The following ALAS1 variants were observed in gnomAD, a reference collection of about 807,000 sequenced individuals.
The protein encoded by ALAS1 is 5-aminolevulinate synthase, non-specific, mitochondrial.
ALAS1 carries 29 observed loss-of-function variants against 59.6 expected under a neutral mutation model. The ratio of observed to expected loss-of-function variants is 0.49; its 90% CI spans 0.36 to 0.66. ALAS1 has a LOEUF of 0.66. Among genes scored for constraint, ALAS1 ranks in the 30% least tolerant of loss-of-function variants. The pLI is 0.00. For missense variants in ALAS1, 690 were observed against 807.5 expected (o/e 0.85, Z 1.76); for synonymous variants, 299 against 296.6 (o/e 1.01, Z -0.08).
At chr3:52,208,366 C>CTCTT (rs1380637915) in intron 9 of ALAS1, 119 bp downstream of exon 9, 1 of 1,163,640 alleles carries the variant, frequency 8.6e-7, no homozygotes, top group Non-Finnish European at 1.2e-6. Context: ...GCCTGGGCCA[C>CTCTT]TCTTTCTTTT....
intron 9 of ALAS1, among the ~76,000 whole-genome samples, chr3:52,210,893 A>C (rs1699390698): frequency 6.6e-6 from 1 of 152,170 alleles, no homozygotes. Flanking sequence ...AACACCATAG[A>C]GTGTACTTAC....
chr3:52,200,057 C>T (rs183571513), intron 3 of ALAS1, among the ~76,000 whole-genome samples: 7 of 152,328 alleles, frequency 4.6e-5, no homozygotes, highest in African/African-American at 1.7e-4. Context: ...CTCAAATGAT[C>T]CACCTGCCTC....
chr3:52,198,494 C>T (rs900848666), intron 1 of ALAS1, among the ~76,000 whole-genome samples, 178 bp from the exon 2 acceptor site: 2 of 152,170 alleles, frequency 1.3e-5, no homozygotes, highest in African/African-American at 2.4e-5. Flanking sequence ...CCTTCTCATA[C>T]CCCTCCCGTC....
chr3:52,199,162 G>C (rs1479158664), intron 2 of ALAS1, 48 bp from the exon 3 acceptor site: 1 of 1,580,640 alleles, frequency 6.3e-7, no homozygotes, highest in Non-Finnish European at 8.7e-7. Flanking sequence ...TGAGCTTGCA[G>C]TGATATTTGC....
chr3:52,213,793 G>A (rs1418421011), intron 11 of ALAS1, among the ~76,000 whole-genome samples: 1 of 152,186 alleles, frequency 6.6e-6, no homozygotes, highest in Non-Finnish European at 1.5e-5. Flanking sequence ...CCATGCTGTA[G>A]CATTCATCAG....
intron 3 of ALAS1, 61 bp downstream of exon 3, chr3:52,199,501 A>C: frequency 6.6e-7 from 1 of 1,512,294 alleles, no homozygotes; most frequent in East Asian, 2.3e-5. Context: ...GTAGACTAGA[A>C]GCAGTCCCCA....
intron 4 of ALAS1, among the ~76,000 whole-genome samples, chr3:52,203,540 C>CAA (rs547604792): frequency 5.3e-5 from 6 of 113,470 alleles, no homozygotes; most frequent in Admixed American, 9.2e-5. Flanking sequence ...GACTCTGTCT[C>CAA]AAAAAAAAAA....
intron 2 of ALAS1, 54 bp from the exon 3 acceptor site, chr3:52,199,156 C>G: frequency 2.6e-6 from 4 of 1,558,916 alleles, no homozygotes; most frequent in Non-Finnish European, 3.5e-6. Context: ...ATCCAGTGAG[C>G]TTGCAGTGAT....
At chr3:52,212,456 G>T in intron 11 of ALAS1, 36 bp downstream of exon 11, 1 of 1,612,340 alleles carries the variant, frequency 6.2e-7, no homozygotes, top group South Asian at 1.1e-5. Flanking sequence ...CCTCACTGAG[G>T]AGTTGCATAA....
At chr3:52,208,024 A>G (rs1020136060) in intron 8 of ALAS1, 59 bp from the exon 9 acceptor site, 1 of 1,468,926 alleles carries the variant, frequency 6.8e-7, no homozygotes, top group East Asian at 2.5e-5. Flanking sequence ...GACTCTAACC[A>G]AAACAGAAAT....
chr3:52,206,501 C>A, intron 7 of ALAS1, 71 bp from the exon 8 acceptor site: 2 of 1,514,264 alleles, frequency 1.3e-6, no homozygotes, highest in Non-Finnish European at 1.8e-6. Flanking sequence ...AAGGAAAAGT[C>A]TGTTGTCTTT....
At chr3:52,211,617 T>C in intron 10 of ALAS1, 66 bp downstream of exon 10, 3 of 1,577,726 alleles carry the variant, frequency 1.9e-6, no homozygotes, top group Non-Finnish European at 2.6e-6. Flanking sequence ...ACGGATGTTC[T>C]GCTTCATACC....
Position 52,206,644 on chromosome 3 carries a change from A to T in ALAS1, c.1058A>T (p.Lys353Met). 1.9e-6 allele frequency: 3 copies of T among 1,614,222 alleles called. No homozygotes were observed. Among genetic ancestry groups the T allele is most frequent in the Non-Finnish European group, 2.5e-6 (3 of 1,180,038 alleles). The change falls in exon 8 of 12, where the codon AAG (lysine) becomes ATG (methionine). Residue 353 changes from lysine to methionine, a missense_variant. By Grantham distance (95) the Lys-to-Met change is moderately conservative. Coordinates refer to ENST00000484952, the MANE Select transcript of ALAS1 (RefSeq NM_000688.6). ...IQGIRNSRVP[K>M]YIFRHNDVSH... ...GGGATTCGAAACAGCCGAGTGCCAA[A>T]GTACATCTTCCGCCACAATGATGTC...
At chr3:52,206,175 C>A in intron 7 of ALAS1, 152 bp downstream of exon 7, 1 of 781,896 alleles carries the variant, frequency 1.3e-6, no homozygotes, top group Non-Finnish European at 2.0e-6. Flanking sequence ...GAAATGCTGA[C>A]TGTACATTAT....
At chr3:52,202,926 G>T (rs1014340904) in intron 4 of ALAS1, among the ~76,000 whole-genome samples, 192 bp downstream of exon 4, 1 of 152,170 alleles carries the variant, frequency 6.6e-6, no homozygotes, top group African/African-American at 2.4e-5. Context: ...TTTCTTTCTG[G>T]TGCGTGTGTG....
intron 4 of ALAS1, 70 bp downstream of exon 4, chr3:52,202,804 T>A: frequency 7.0e-7 from 1 of 1,424,850 alleles, no homozygotes; most frequent in Non-Finnish European, 9.8e-7. Context: ...CCCTCAGATT[T>A]GTGTATGAGC....
Position 52,202,712 on chromosome 3 carries a change from G to A in ALAS1, c.405G>A (p.Gln135=), listed in dbSNP as rs769758609. ...KASLELQEDV[Q]EMNAVRKEVA... ...GTCTTGAGCTTCAGGAGGATGTGCAGGAAATGAATGCCGTGAGGAAAGGTA... is the reference window on the plus strand; with the variant it reads ...GTCTTGAGCTTCAGGAGGATGTGCAAGAAATGAATGCCGTGAGGAAAGGTA... Residue 135 remains glutamine, a synonymous_variant, in exon 4 of 12, where the codon CAG becomes CAA. Transcript: ENST00000484952. 6.2e-7 allele frequency: 1 copy of A among 1,614,004 alleles called. No homozygotes were observed. The highest frequency in any genetic ancestry group is 8.5e-7 in the Non-Finnish European group (1 of 1,179,938).
chr3:52,198,532 C>T (rs979560333), intron 1 of ALAS1, 140 bp from the exon 2 acceptor site: 4 of 548,694 alleles, frequency 7.3e-6, no homozygotes, highest in Non-Finnish European at 1.3e-5. Flanking sequence ...CGCGGGTCAC[C>T]TCTGACCCCC....
chr3:52,204,797 A>G lies in ALAS1; in HGVS notation c.682A>G (p.Ile228Val), dbSNP rs371824032. The part of the protein sequence containing the change: ...VFKTVNRRAH[I>V]FPMADDYSDS... ...TAAAACTGTGAACCGGCGAGCACAC[A>G]TCTTCCCCATGGCAGATGACTATTC... Residue 228 changes from isoleucine (I) to valine (V), a missense_variant, in exon 6 of 12, where the codon ATC becomes GTC. Coordinates refer to ENST00000484952, the MANE Select transcript of ALAS1 (RefSeq NM_000688.6). The G allele has an allele frequency of 2.5e-6, 4 of 1,614,226 alleles. No homozygotes were observed. The highest frequency in any genetic ancestry group is 1.7e-5 in the Admixed American group (1 of 60,028).
Sources: allele counts gnomAD v4.1 joint callset (sites outside exome capture counted in the v4.1 genomes callset), GRCh38; gene constraint gnomAD v4.1.1; transcripts MANE v1.5; gene names NCBI Gene and HGNC (gene_info 2026-07-23, HGNC 2026-07-21).